PDE8B: variants seen among roughly 807,000 people sequenced by gnomAD.
PDE8B encodes high affinity cAMP-specific and IBMX-insensitive 3',5'-cyclic phosphodiesterase 8B.
Under a neutral mutation model 101.3 loss-of-function variants are expected in PDE8B, and 26 were observed. The ratio of observed to expected loss-of-function variants is 0.26; its 90% CI spans 0.19 to 0.36. The LOEUF (loss-of-function observed/expected upper bound fraction) is 0.36, where lower values mean the gene tolerates loss of function less well. Among genes scored for constraint, PDE8B ranks in the 10% least tolerant of loss-of-function variants. The pLI, the probability that PDE8B is intolerant of heterozygous loss-of-function variation, is 1.00. For synonymous variants in PDE8B, 424 were observed against 429.3 expected (o/e 0.99, Z 0.15); for missense variants, 810 against 1,163.1 (o/e 0.70, Z 4.42).
intron 10 of PDE8B, among the ~76,000 whole-genome samples, chr5:77,368,716 T>G (rs1396235612): frequency 6.6e-6 from 1 of 152,214 alleles, no homozygotes; most frequent in Non-Finnish European, 1.5e-5. Context: ...CCTGAAATTA[T>G]TCATAATTAG....
At chr5:77,336,756 T>G (rs576780524) in intron 5 of PDE8B, among the ~76,000 whole-genome samples, 1 of 152,202 alleles carries the variant, frequency 6.6e-6, no homozygotes, top group African/African-American at 2.4e-5. Flanking sequence ...GTGGAATTGC[T>G]GGATCATATG....
chr5:77,411,607 TAATA>T, intron 14 of PDE8B, 65 bp from the exon 15 acceptor site: 2 of 1,292,992 alleles, frequency 1.5e-6, no homozygotes, highest in South Asian at 2.5e-5. Flanking sequence ...CTTTCACTAA[TAATA>T]AAAAAAAAAA....
At chr5:77,291,615 T>G (rs1767358719) in intron 1 of PDE8B, 1 of 1,597,618 alleles carries the variant, frequency 6.3e-7, no homozygotes, top group Non-Finnish European at 8.6e-7. Flanking sequence ...AGGATCAGAC[T>G]GTGGCACTGT....
the PDE8B span, among the ~76,000 whole-genome samples, chr5:77,092,183 A>G: frequency 6.6e-6 from 1 of 152,208 alleles, no homozygotes; most frequent in Admixed American, 6.5e-5. Flanking sequence ...AAGTCAGATA[A>G]AAGGAGCTTA....
At chr5:77,242,957 C>T (rs946754649) in intron 1 of PDE8B, among the ~76,000 whole-genome samples, 1 of 152,074 alleles carries the variant, frequency 6.6e-6, no homozygotes, top group Non-Finnish European at 1.5e-5. Context: ...TGAGCCACTG[C>T]GCCCGGCCAA....
intron 2 of PDE8B, among the ~76,000 whole-genome samples, chr5:77,318,228 T>C (rs1267899625): frequency 6.6e-6 from 1 of 152,114 alleles, no homozygotes; most frequent in Non-Finnish European, 1.5e-5. Flanking sequence ...GACTGAGGGA[T>C]GGAGATGTTC....
intron 1 of PDE8B, among the ~76,000 whole-genome samples, chr5:77,260,157 CAAAAAAAA>C (rs66923234): frequency 2.0e-5 from 2 of 100,982 alleles, no homozygotes; most frequent in East Asian, 2.7e-4. Context: ...AACTCCATCA[CAAAAAAAA>C]AAAAAAAAGA....
intron 1 of PDE8B, among the ~76,000 whole-genome samples, chr5:77,250,146 C>A (rs1757781234): frequency 6.6e-6 from 1 of 152,236 alleles, no homozygotes; most frequent in Non-Finnish European, 1.5e-5. Context: ...CATGCTTACT[C>A]CATGTCAGGC....
chr5:77,410,595 T>C (rs1487509041), intron 14 of PDE8B: 2 of 152,174 alleles, frequency 1.3e-5, no homozygotes, highest in Admixed American at 6.5e-5. Flanking sequence ...CTCAATTTTA[T>C]GTGGTTTTGG....
At chr5:77,132,180 T>G in the PDE8B span, among the ~76,000 whole-genome samples, 2 of 152,212 alleles carry the variant, frequency 1.3e-5, no homozygotes, top group Non-Finnish European at 2.9e-5. Context: ...GTACATATTT[T>G]TACACAACAG....
chr5:77,141,210 C>T, the PDE8B span: 1 of 152,118 alleles, frequency 6.6e-6, no homozygotes, highest in Non-Finnish European at 1.5e-5. Context: ...GATGCTTTAA[C>T]ATGCTACCTT....
At chr5:77,403,921 C>T (rs368395211) in intron 11 of PDE8B, among the ~76,000 whole-genome samples, 40 of 152,250 alleles carry the variant, frequency 2.6e-4, no homozygotes, top group Middle Eastern at 3.4e-3. Flanking sequence ...CAGGTTCAAG[C>T]GATCCTCCTG....
At position 77,427,794 on chromosome 5, in the gene PDE8B, CTATG is replaced by C. The variant is rs1232226393; in HGVS notation, c.*1244_*1247del. The C allele has an allele frequency of 5.3e-5, 8 of 152,144 alleles. No individual in the cohort carries two copies. The highest frequency in any genetic ancestry group is 1.5e-5 in the Non-Finnish European group (1 of 68,026). 9.4% of individuals were successfully genotyped at this position (152,144 alleles called of 1,614,324 possible). A position where few individuals can be genotyped will look rare whatever the true frequency, so the allele number is the denominator to read the frequency against. On this transcript the variant is annotated 3_prime_UTR_variant, in exon 22 of 22. Transcript: ENST00000264917. Reference sequence around the variant, plus strand: ...TTTCTCTTTTACCAGCTGATCCTTCCTATGTATTATAAATATTAGACTCCGTAAA... The same window carrying C: ...TTTCTCTTTTACCAGCTGATCCTTCCTATTATAAATATTAGACTCCGTAAA...
chr5:77,118,414 G>A, the PDE8B span: 5 of 398,730 alleles, frequency 1.3e-5, no homozygotes, highest in East Asian at 7.1e-5. Flanking sequence ...ATCCTTCTGG[G>A]CCTGGATGCT....
intron 10 of PDE8B, among the ~76,000 whole-genome samples, chr5:77,357,808 T>G (rs566998725): frequency 6.6e-6 from 1 of 152,318 alleles, no homozygotes; most frequent in South Asian, 2.1e-4. Context: ...TTTTGCCTTC[T>G]CTCTTTTATC....
chr5:77,166,951 C>G, the PDE8B span: 2 of 152,232 alleles, frequency 1.3e-5, no homozygotes, highest in African/African-American at 4.8e-5. Context: ...CTTCCCTATC[C>G]GGACCGGAGT....
At chr5:77,243,711 A>G (rs1756258269) in intron 1 of PDE8B, among the ~76,000 whole-genome samples, 1 of 152,340 alleles carries the variant, frequency 6.6e-6, no homozygotes, top group Non-Finnish European at 1.5e-5. Context: ...GTGTTCTACT[A>G]TATGGATAGG....
intron 10 of PDE8B, among the ~76,000 whole-genome samples, chr5:77,388,984 C>A (rs562261787): frequency 6.6e-5 from 10 of 152,288 alleles, no homozygotes; most frequent in African/African-American, 2.4e-4. Context: ...GAATTTCAGG[C>A]CAGTGGATCT....
At chr5:77,328,902 TGA>T in intron 3 of PDE8B, 94 bp from the exon 4 acceptor site, 1 of 918,198 alleles carries the variant, frequency 1.1e-6, no homozygotes, top group South Asian at 1.3e-5. Context: ...GAGAAAGATT[TGA>T]TGTTGTATCA....
Sources: gnomAD v4.1 joint callset for allele counts (sites outside exome capture counted in the v4.1 genomes callset) on GRCh38, gnomAD v4.1.1 for gene constraint, MANE v1.5 for transcripts, NCBI Gene and HGNC (gene_info 2026-07-23, HGNC 2026-07-21) for gene names.